The following SYNPR variants were observed in gnomAD, a reference collection of about 807,000 sequenced individuals.
The protein encoded by SYNPR is synaptoporin.
A neutral mutation model predicts 32.9 loss-of-function variants in SYNPR; 23 were observed. The observed-to-expected ratio is 0.70, with a 90% CI of 0.50 to 0.99. The LOEUF (loss-of-function observed/expected upper bound fraction) is 0.99. Among genes scored for constraint, SYNPR ranks in the 50% least tolerant of loss-of-function variants. SYNPR has a pLI of 0.00. For missense variants in SYNPR, 318 were observed against 349.3 expected (o/e 0.91, Z 0.71); for synonymous variants, 146 against 135.9 (o/e 1.07, Z -0.52).
intron 3 of SYNPR, 95 bp from the exon 4 acceptor site, chr3:63,556,448 T>A (rs1702595580): frequency 8.9e-7 from 1 of 1,124,062 alleles, no homozygotes; most frequent in East Asian, 2.6e-5. Context: ...AACTCCCAGA[T>A]CACATCCCAT....
chr3:63,607,047 G>A (rs988169132), intron 4 of SYNPR, among the ~76,000 whole-genome samples: 4 of 152,092 alleles, frequency 2.6e-5, no homozygotes, highest in African/African-American at 9.7e-5. Context: ...CAATTGAAAG[G>A]TCTTCACATG....
At chr3:63,258,202 A>AGCTCT (rs1283724647) in intron 2 of SYNPR, among the ~76,000 whole-genome samples, 1 of 152,230 alleles carries the variant, frequency 6.6e-6, no homozygotes, top group African/African-American at 2.4e-5. Context: ...AATTGAACTC[A>AGCTCT]GCTCTGCACC....
intron 3 of SYNPR, among the ~76,000 whole-genome samples, chr3:63,495,865 C>T (rs1701364981): frequency 6.6e-6 from 1 of 151,982 alleles, no homozygotes; most frequent in Admixed American, 6.6e-5. Context: ...CTGTATAATA[C>T]TATAATGATG....
intron 2 of SYNPR, among the ~76,000 whole-genome samples, chr3:63,400,523 C>G (rs376884278): frequency 6.6e-6 from 1 of 152,312 alleles, no homozygotes; most frequent in Middle Eastern, 3.4e-3. Context: ...GCTTGTATGT[C>G]CTCAAAACAT....
intron 2 of SYNPR, among the ~76,000 whole-genome samples, chr3:63,399,076 A>G (rs2088256095): frequency 6.6e-6 from 1 of 152,254 alleles, no homozygotes; most frequent in Non-Finnish European, 1.5e-5. Context: ...GGAGGCAGGA[A>G]TACATCAATG....
intron 1 of SYNPR, chr3:63,228,455 G>A (rs756709301): frequency 6.6e-6 from 1 of 152,136 alleles, no homozygotes; most frequent in East Asian, 1.9e-4. Context: ...TAACTTATAA[G>A]TAAAGACAAT....
chr3:63,224,757 T>C (rs1479384918), upstream of SYNPR, among the ~76,000 whole-genome samples: 1 of 152,162 alleles, frequency 6.6e-6, no homozygotes, highest in Non-Finnish European at 1.5e-5. Context: ...GATAACAGGG[T>C]GGCATGAACC....
chr3:63,536,745 AT>A (rs973399359), intron 3 of SYNPR, among the ~76,000 whole-genome samples: 24 of 152,172 alleles, frequency 1.6e-4, no homozygotes, highest in Admixed American at 1.3e-3. Context: ...TGATGAATGA[AT>A]TTTTTAAAGG....
chr3:63,205,103 A>G, the SYNPR span, among the ~76,000 whole-genome samples: 78 of 151,938 alleles, frequency 5.1e-4, 2 homozygotes, highest in Non-Finnish European at 8.8e-5. Flanking sequence ...GCATCCCCCA[A>G]ATTTATTCAA....
chr3:63,454,917 C>T (rs189217395), intron 2 of SYNPR, among the ~76,000 whole-genome samples: 2 of 152,220 alleles, frequency 1.3e-5, no homozygotes, highest in East Asian at 3.9e-4. Context: ...CATGGAGCAT[C>T]AGCTTCAAGA....
chr3:63,303,179 G>A (rs2086874995), intron 2 of SYNPR, among the ~76,000 whole-genome samples: 2 of 150,242 alleles, frequency 1.3e-5, no homozygotes, highest in Admixed American at 1.3e-4. Flanking sequence ...TCTGAACTCA[G>A]GGTAAAAAAA....
Position 63,403,441 on chromosome 3 carries a change from T to TACACATACAC in SYNPR, c.85-77386_85-77385insTACACACACA, listed in dbSNP as rs147870795. On this transcript the variant is annotated intron_variant, in intron 2 of 5. Transcript: ENST00000478300. ...ACATTCTCATACGTATGTATACACA[T>TACACATACAC]ACACACACACACACACACACACACA... Among the ~76,000 whole-genome samples, 24 of 146,018 alleles carry TACACATACAC rather than the reference T, an allele frequency of 1.6e-4. No homozygotes were observed. In the East Asian group the frequency reaches 2.2e-3, roughly 14 times the overall value.
chr3:63,561,840 G>C (rs1417441826), intron 4 of SYNPR, among the ~76,000 whole-genome samples: 2 of 152,160 alleles, frequency 1.3e-5, no homozygotes, highest in Admixed American at 6.5e-5. Context: ...ATTTCAGACA[G>C]ACTTGAGCCA....
chr3:63,340,624 T>C (rs940861705), intron 2 of SYNPR, among the ~76,000 whole-genome samples: 1 of 151,812 alleles, frequency 6.6e-6, no homozygotes, highest in Non-Finnish European at 1.5e-5. Flanking sequence ...TTTCACCGTT[T>C]TAGCCGGGAT....
At chr3:63,426,434 G>A (rs1699893542) in intron 2 of SYNPR, among the ~76,000 whole-genome samples, 1 of 152,106 alleles carries the variant, frequency 6.6e-6, no homozygotes, top group Admixed American at 6.6e-5. Context: ...TTTATTCAGT[G>A]GCCAAAGAAG....
At chr3:63,469,625 A>G (rs1412918792) in intron 2 of SYNPR, among the ~76,000 whole-genome samples, 1 of 152,206 alleles carries the variant, frequency 6.6e-6, no homozygotes, top group Non-Finnish European at 1.5e-5. Context: ...TTTGACAAAT[A>G]TGAGAGAATT....
chr3:63,232,678 G>A (rs1016316529), intron 1 of SYNPR, among the ~76,000 whole-genome samples: 1 of 152,120 alleles, frequency 6.6e-6, no homozygotes, highest in Admixed American at 6.5e-5. Context: ...TAGAGTCCTT[G>A]AGCTAGCTAC....
chr3:63,507,620 G>A (rs981383332), intron 3 of SYNPR, among the ~76,000 whole-genome samples: 3 of 152,158 alleles, frequency 2.0e-5, no homozygotes, highest in African/African-American at 7.2e-5. Flanking sequence ...TCCTGGATCA[G>A]ATTCTGGAAT....
chr3:63,586,654 A>ATG (rs10530383), intron 4 of SYNPR, among the ~76,000 whole-genome samples: 7,555 of 143,588 alleles, frequency 0.053, 334 homozygotes, highest in African/African-American at 0.11. Flanking sequence ...TGCAGATTCA[A>ATG]TGTGTGTGTG....
Sources: allele counts gnomAD v4.1 joint callset (sites outside exome capture counted in the v4.1 genomes callset), GRCh38; gene constraint gnomAD v4.1.1; transcripts MANE v1.5; gene names NCBI Gene and HGNC (gene_info 2026-07-23, HGNC 2026-07-21).